The following WDFY4 variants were observed in gnomAD, a reference collection of about 807,000 sequenced individuals.
The protein encoded by WDFY4 is WD repeat- and FYVE domain-containing protein 4.
In WDFY4, 169 loss-of-function variants were observed where a neutral mutation model predicts 351.9. That is an observed-to-expected ratio of 0.48 (90% CI 0.42 to 0.55). The LOEUF (loss-of-function observed/expected upper bound fraction) is 0.55. Among genes scored for constraint, WDFY4 ranks in the 20% least tolerant of loss-of-function variants. The probability of loss-of-function intolerance (pLI) is 0.00; values close to 1 mark genes in which losing one functional copy is unlikely to be tolerated. For missense variants in WDFY4, 3,803 were observed against 3,935.6 expected, an observed-to-expected ratio of 0.97 and a Z score of 0.90; for synonymous variants, 1,622 against 1,574.6, an observed-to-expected ratio of 1.03 and a Z score of -0.71.
chr10:48,812,945 G>A (rs2067507930), intron 30 of WDFY4, among the ~76,000 whole-genome samples: 1 of 152,110 alleles, frequency 6.6e-6, no homozygotes, highest in Non-Finnish European at 1.5e-5. Flanking sequence ...TCCTCCCTCA[G>A]CACTCAGCTT....
intron 53 of WDFY4, among the ~76,000 whole-genome samples, chr10:48,963,250 T>C (rs1293220450): frequency 2.0e-5 from 3 of 152,224 alleles, no homozygotes; most frequent in African/African-American, 7.2e-5. Flanking sequence ...ATCACCTAAC[T>C]CCTGGAGCTC....
In WDFY4 at chr10:48,814,409, A is replaced by G. The variant is rs534728529; in HGVS notation, c.5340+327A>G. The stretch of plus-strand genomic sequence containing the variant: ...AAGGGCCTCTCCTCTCAACGAGTCC[A>G]TCTCCTCGCTCATGAGTGACCTGGG... On this transcript the variant is annotated intron_variant, in intron 31 of 61. Coordinates refer to ENST00000325239, the MANE Select transcript of WDFY4 (RefSeq NM_001394531.1). Among the ~76,000 whole-genome samples, 8 of 152,340 alleles carry G rather than the reference A, an allele frequency of 5.3e-5. No homozygotes were observed. In the East Asian group the frequency reaches 1.5e-3, roughly 29 times the overall value.
intron 53 of WDFY4, among the ~76,000 whole-genome samples, chr10:48,962,384 C>A (rs1841897778): frequency 6.6e-6 from 1 of 152,108 alleles, no homozygotes; most frequent in African/African-American, 2.4e-5. Context: ...GCTTGTCCTC[C>A]CAGAGGACCA....
intron 40 of WDFY4, among the ~76,000 whole-genome samples, chr10:48,872,853 CT>C (rs1172947303): frequency 6.6e-6 from 1 of 152,212 alleles, no homozygotes; most frequent in Non-Finnish European, 1.5e-5. Flanking sequence ...GTTTTAGCTC[CT>C]GTGAATATTC....
At chr10:48,784,960 C>A (rs189617343) in intron 19 of WDFY4, among the ~76,000 whole-genome samples, 19 of 150,364 alleles carry the variant, frequency 1.3e-4, no homozygotes, top group Non-Finnish European at 2.7e-4. Flanking sequence ...TGGGTTCGCG[C>A]CATTCTCCTG....
chr10:48,883,389 GGTGT>G (rs71026226), intron 43 of WDFY4, among the ~76,000 whole-genome samples: 1 of 150,578 alleles, frequency 6.6e-6, no homozygotes, highest in Admixed American at 6.6e-5. Flanking sequence ...TTGTGCAAGG[GGTGT>G]GTGTGTGTGT....
chr10:48,912,136 G>A (rs188922039), intron 47 of WDFY4, among the ~76,000 whole-genome samples: 1 of 152,332 alleles, frequency 6.6e-6, no homozygotes, highest in East Asian at 1.9e-4. Flanking sequence ...TACACAGGGA[G>A]GCCAGAGAAG....
intron 47 of WDFY4, among the ~76,000 whole-genome samples, chr10:48,939,472 T>C (rs1840633524): frequency 1.3e-5 from 2 of 152,196 alleles, no homozygotes; most frequent in African/African-American, 4.8e-5. Flanking sequence ...GATCCAGGTG[T>C]CCCTGACTTC....
chr10:48,781,067 C>T (rs1318557665), intron 19 of WDFY4, among the ~76,000 whole-genome samples: 1 of 152,106 alleles, frequency 6.6e-6, no homozygotes, highest in East Asian at 1.9e-4. Context: ...CAGACATTTC[C>T]AAATATACCC....
intron 2 of WDFY4, among the ~76,000 whole-genome samples, chr10:48,713,435 A>G (rs2063818506): frequency 6.6e-6 from 1 of 152,212 alleles, no homozygotes; most frequent in Non-Finnish European, 1.5e-5. Flanking sequence ...GTCTTTGTTT[A>G]TACTTGAATC....
chr10:48,826,231 GT>G (rs199748489), intron 35 of WDFY4, among the ~76,000 whole-genome samples: 6,331 of 152,272 alleles, frequency 0.042, 205 homozygotes, highest in South Asian at 0.13. Flanking sequence ...CCCATTGCTT[GT>G]TTTTGTCAGG....
intron 5 of WDFY4, among the ~76,000 whole-genome samples, chr10:48,724,699 C>T (rs1004742424): frequency 8.6e-5 from 13 of 152,016 alleles, no homozygotes; most frequent in Non-Finnish European, 1.8e-4. Context: ...CCCTACTGTG[C>T]GCAGCTCTAT....
Position 48,817,380 on chromosome 10 carries a change from A to G in WDFY4, c.5476A>G (p.Ile1826Val). The G allele has an allele frequency of 6.4e-7, 1 of 1,551,266 alleles. No homozygotes were observed. The highest frequency in any genetic ancestry group is 8.7e-7 in the Non-Finnish European group (1 of 1,146,666). The stretch of plus-strand genomic sequence containing the variant: ...CCCGGAGTTCCTCCAGACCTTGGCC[A>G]TAGCCGCCTTCCCCCTGGGAGCCCA... Reference protein sequence around the residue: ...RAPEFLQTLAIAAFPLGAQKG... With the variant: ...RAPEFLQTLAVAAFPLGAQKG... Residue 1826 changes from isoleucine to valine, a missense_variant, in exon 32 of 62, where the codon ATA becomes GTA. Coordinates refer to ENST00000325239, the MANE Select transcript of WDFY4 (RefSeq NM_001394531.1).
intron 12 of WDFY4, among the ~76,000 whole-genome samples, chr10:48,753,504 T>C (rs985831651): frequency 6.6e-6 from 1 of 152,196 alleles, no homozygotes; most frequent in African/African-American, 2.4e-5. Flanking sequence ...TTGGCTCTTA[T>C]TGTAGATAAT....
At chr10:48,834,591 T>A (rs1340178183) in intron 39 of WDFY4, among the ~76,000 whole-genome samples, 1 of 152,238 alleles carries the variant, frequency 6.6e-6, no homozygotes, top group Non-Finnish European at 1.5e-5. Context: ...TGTGCCCATA[T>A]ACCTGCTCCT....
In WDFY4 at chr10:48,830,710, C is replaced by T; in HGVS notation, c.6351C>T (p.Asn2117=). The T allele has an allele frequency of 6.4e-7, 1 of 1,551,324 alleles. No individual in the cohort carries two copies. The highest frequency in any genetic ancestry group is 1.2e-5 in the South Asian group (1 of 84,000). The change falls in exon 38 of 62, where the codon AAC becomes AAT. Residue 2117 remains asparagine, a synonymous_variant. Coordinates refer to ENST00000325239, the MANE Select transcript of WDFY4 (RefSeq NM_001394531.1). ...DLPSLSDVQH[N]IQKTVQTLWQ... is the part of the protein sequence containing the mutation. ...TGCTCTCTCTGCTAGTCCAACACAA[C>T]ATCCAGAAGACAGTGCAGACTCTCT...
In WDFY4 at chr10:48,826,820, G is replaced by A. The variant is rs930074621; in HGVS notation, c.6132G>A (p.Glu2044=). The A allele has an allele frequency of 1.9e-6, 3 of 1,551,930 alleles. No individual in the cohort carries two copies. The East Asian group carries it at 7.3e-5, about 38-fold the overall frequency. The change falls in exon 36 of 62, where the codon GAG becomes GAA. Residue 2044 remains glutamate (E), a synonymous_variant. Coordinates refer to ENST00000325239, the MANE Select transcript of WDFY4 (RefSeq NM_001394531.1). ...TCAGCATCCTGGGCTTTCTGCAGGA[G>A]CACTGGGATGTTGTCTTTGCCACCT... The part of the protein sequence containing the change: ...GLLSILGFLQ[E]HWDVVFATYN...
At chr10:48,815,557 C>T (rs573942506) in intron 31 of WDFY4, among the ~76,000 whole-genome samples, 39 of 152,118 alleles carry the variant, frequency 2.6e-4, no homozygotes, top group African/African-American at 8.4e-4. Flanking sequence ...TTCTCAGGCT[C>T]GGATGATTCT....
intron 23 of WDFY4, among the ~76,000 whole-genome samples, chr10:48,794,763 G>A (rs1309010527): frequency 6.6e-6 from 1 of 152,188 alleles, no homozygotes; most frequent in South Asian, 2.1e-4. Flanking sequence ...ATAAAGAATA[G>A]CACAAACAAA....
Sources: allele counts gnomAD v4.1 joint callset (sites outside exome capture counted in the v4.1 genomes callset), GRCh38; gene constraint gnomAD v4.1.1; transcripts MANE v1.5; gene names NCBI Gene and HGNC (gene_info 2026-07-23, HGNC 2026-07-21).